Variants in ARMH1 observed in about 807,000 individuals in gnomAD.
ARMH1 encodes armadillo-like helical domain containing protein 1.
A neutral mutation model predicts 50.2 loss-of-function variants in ARMH1; 34 were observed. That is an observed-to-expected ratio of 0.68 (90% CI 0.51 to 0.90). ARMH1 has a LOEUF of 0.90. ARMH1 is among the 40% of genes least tolerant of loss of function. The pLI is 0.00. For synonymous variants in ARMH1, 221 were observed against 224.2 expected (o/e 0.99, Z 0.13); for missense variants, 538 against 553.9 (o/e 0.97, Z 0.29).
chr1:44,704,875 T>C (rs1406341694), intron 6 of ARMH1, among the ~76,000 whole-genome samples: 1 of 142,558 alleles, frequency 7.0e-6, no homozygotes, highest in Non-Finnish European at 1.5e-5. Context: ...CGCTCTGTCA[T>C]CCAGGCTGGA....
chr1:44,702,710 C>CAAAAAAAAAA, intron 5 of ARMH1, among the ~76,000 whole-genome samples: 1 of 89,878 alleles, frequency 1.1e-5, no homozygotes. Context: ...GACTCCATCT[C>CAAAAAAAAAA]AAAAAAAAAA....
At position 44,699,232 on chromosome 1, in the gene ARMH1, C is replaced by T. The variant is rs1339285269; in HGVS notation, c.442+1003C>T. On this transcript the variant is annotated intron_variant, in intron 4 of 11. Coordinates refer to ENST00000535358, the MANE Select transcript of ARMH1 (RefSeq NM_001145636.2). ...CCGGGAGGTGGACATTGCAGTGAGC[C>T]GAGATCGCGCCACTGCACTCTAGCC... 9.2e-5 allele frequency among the ~76,000 whole-genome samples: 13 copies of T among 141,602 alleles called. No homozygotes were observed. The Admixed American group carries it at 9.2e-4, about 10-fold the overall frequency. 92.9% of individuals were successfully genotyped at this position (141,602 alleles called of 152,430 possible). A position where few individuals can be genotyped will look rare whatever the true frequency, so the allele number is the denominator to read the frequency against.
At chr1:44,703,261 C>T (rs1309393177) in intron 5 of ARMH1, among the ~76,000 whole-genome samples, 1 of 152,102 alleles carries the variant, frequency 6.6e-6, no homozygotes, top group Non-Finnish European at 1.5e-5. Flanking sequence ...GTTCCTGCAC[C>T]TCTAGCAGGT....
chr1:44,680,474 G>T (rs544479053), intron 1 of ARMH1, among the ~76,000 whole-genome samples: 1 of 152,370 alleles, frequency 6.6e-6, no homozygotes, highest in Non-Finnish European at 1.5e-5. Flanking sequence ...GCGCCCAGCT[G>T]GGGCCAAGTT....
chr1:44,701,077 A>G lies in ARMH1; in HGVS notation c.597A>G (p.Pro199=), dbSNP rs2148663931. Reference sequence around the variant, plus strand: ...TAGCTTTGCTGCCCTGCGAGTCCCCAAAAGCCCAGCAGCTGTCCCTGCAGA... The same window carrying G: ...TAGCTTTGCTGCCCTGCGAGTCCCCGAAAGCCCAGCAGCTGTCCCTGCAGA... ...GLIALLPCES[P]KAQQLSLQTL... The change falls in exon 5 of 12, where the codon CCA becomes CCG. Residue 199 remains proline (P), a synonymous_variant. Coordinates refer to ENST00000535358, the MANE Select transcript of ARMH1 (RefSeq NM_001145636.2). 1.9e-6 allele frequency: 3 copies of G among 1,551,720 alleles called. No homozygotes were observed. In the South Asian group the frequency reaches 3.6e-5, roughly 18 times the overall value.
Position 44,724,397 on chromosome 1 carries a change from G to A in ARMH1, c.920+5G>A. 2 of 1,549,236 alleles carry A rather than the reference G, an allele frequency of 1.3e-6. No individual in the cohort carries two copies. The highest frequency in any genetic ancestry group is 1.2e-5 in the South Asian group (1 of 83,980). On this transcript the variant is annotated splice_donor_5th_base_variant and intron_variant, in intron 8 of 11. Coordinates refer to ENST00000535358, the MANE Select transcript of ARMH1 (RefSeq NM_001145636.2). This position sits in a 1 kb window ranked among gnomAD's most constrained non-coding sequence, Gnocchi z 6.4. ...CGCGGCCGCCAAGGCCATCGGGTAA[G>A]CGGGCAGGGGTTAGTGGGTAGCTGC...
intron 6 of ARMH1, among the ~76,000 whole-genome samples, chr1:44,713,621 A>T (rs767802888): frequency 3.7e-4 from 57 of 152,244 alleles, no homozygotes; most frequent in South Asian, 1.7e-3. Context: ...AAAAGTCTAT[A>T]AAACAGTCTT....
intron 5 of ARMH1, among the ~76,000 whole-genome samples, chr1:44,701,834 T>G (rs2148666616): frequency 6.6e-6 from 1 of 151,636 alleles, no homozygotes; most frequent in East Asian, 1.9e-4. Context: ...GAGGCTGAGT[T>G]CAGAGGATGG....
intron 6 of ARMH1, among the ~76,000 whole-genome samples, chr1:44,705,553 G>A (rs1407688795): frequency 6.6e-6 from 1 of 151,836 alleles, no homozygotes; most frequent in Non-Finnish European, 1.5e-5. Context: ...TACAAACCCT[G>A]GTACATATTA....
chr1:44,709,489 G>A lies in ARMH1; in HGVS notation c.724+5316G>A, dbSNP rs148604895. 8.0e-3 allele frequency among the ~76,000 whole-genome samples: 1,211 copies of A among 152,216 alleles called. 7 individuals carry two copies. Among genetic ancestry groups the A allele is most frequent in the East Asian group, 0.032 (166 of 5,186 alleles). On this transcript the variant is annotated intron_variant, in intron 6 of 11. Coordinates refer to ENST00000535358, the MANE Select transcript of ARMH1 (RefSeq NM_001145636.2). ...AGATCGAGACCATCCTGGCTAACACGGTGAAACCCCATCTCTACTAAAAAT... is the reference window on the plus strand; with the variant it reads ...AGATCGAGACCATCCTGGCTAACACAGTGAAACCCCATCTCTACTAAAAAT...
chr1:44,724,453 C>G lies in ARMH1; in HGVS notation c.920+61C>G. 2 of 1,529,648 alleles carry G rather than the reference C, an allele frequency of 1.3e-6. No individual in the cohort carries two copies. Among genetic ancestry groups the G allele is most frequent in the South Asian group, 1.2e-5 (1 of 82,172 alleles). 94.8% of individuals were successfully genotyped at this position (1,529,648 alleles called of 1,614,324 possible). A position where few individuals can be genotyped will look rare whatever the true frequency, so the allele number is the denominator to read the frequency against. ...GCCTGGCTTGGCGCTGCCGGCGGGC[C>G]CCGGGAGCGCTCCGTGCGCCGGGTG... On this transcript the variant is annotated intron_variant, in intron 8 of 11. Transcript: ENST00000535358. The surrounding 1 kb of genome is among the most constrained non-coding windows in gnomAD (Gnocchi z 6.4).
intron 3 of ARMH1, 39 bp downstream of exon 3, chr1:44,697,209 G>A (rs41269065): frequency 1.6e-5 from 23 of 1,468,808 alleles, no homozygotes; most frequent in Non-Finnish European, 2.0e-5. Flanking sequence ...GGTCTCAGTG[G>A]CATCTCAGGC....
intron 3 of ARMH1, among the ~76,000 whole-genome samples, 156 bp downstream of exon 3, chr1:44,697,326 T>C (rs935273034): frequency 2.0e-5 from 3 of 152,046 alleles, no homozygotes; most frequent in African/African-American, 7.2e-5. Flanking sequence ...ACCGGGCTCC[T>C]GCTCTAGTTG....
chr1:44,685,348 G>T (rs1325030227), intron 1 of ARMH1, among the ~76,000 whole-genome samples: 2 of 150,064 alleles, frequency 1.3e-5, no homozygotes, highest in Non-Finnish European at 3.0e-5. Flanking sequence ...TTGCTGTGTT[G>T]CCCAGGCTGG....
chr1:44,721,714 T>TA (rs1295958582), intron 6 of ARMH1: 1 of 152,104 alleles, frequency 6.6e-6, no homozygotes, highest in Admixed American at 6.6e-5. Flanking sequence ...GGGTGACATT[T>TA]GTGGAGCTAC....
chr1:44,700,874 T>G, intron 4 of ARMH1, 49 bp from the exon 5 acceptor site: 2 of 1,460,610 alleles, frequency 1.4e-6, no homozygotes, highest in Non-Finnish European at 1.8e-6. Flanking sequence ...GAGTGGGGAT[T>G]TTTTCATAAA....
intron 6 of ARMH1, among the ~76,000 whole-genome samples, chr1:44,704,898 A>G (rs1393142140): frequency 4.8e-5 from 7 of 147,318 alleles, no homozygotes; most frequent in African/African-American, 7.6e-5. Context: ...GCAGTGGCGC[A>G]ATCTCAGCTC....
At position 44,724,005 on chromosome 1, in the gene ARMH1, T is replaced by G; in HGVS notation, c.725-117T>G. 7 of 1,323,274 alleles carry G rather than the reference T, an allele frequency of 5.3e-6. No individual in the cohort carries two copies. The highest frequency in any genetic ancestry group is 7.2e-6 in the Non-Finnish European group (7 of 975,258). 82.0% of individuals were successfully genotyped at this position (1,323,274 alleles called of 1,614,324 possible). On this transcript the variant is annotated intron_variant, in intron 6 of 11. Coordinates refer to ENST00000535358, the MANE Select transcript of ARMH1 (RefSeq NM_001145636.2). This position sits in a 1 kb window ranked among gnomAD's most constrained non-coding sequence, Gnocchi z 6.4. ...CCCAGCTCCCCCACGCCCTGCACAG[T>G]GCTGATCAGTAAAAGAGGAGGACAC...
intron 6 of ARMH1, among the ~76,000 whole-genome samples, chr1:44,710,159 T>G (rs1416230484): frequency 1.3e-5 from 2 of 152,060 alleles, no homozygotes; most frequent in African/African-American, 4.8e-5. Flanking sequence ...CGAACAGACA[T>G]GGACAAGGCT....
Sources: gnomAD v4.1 joint callset for allele counts (sites outside exome capture counted in the v4.1 genomes callset) on GRCh38, gnomAD v4.1.1 for gene constraint, Gnocchi (gnomAD v3.1) non-coding constraint, MANE v1.5 for transcripts, NCBI Gene and HGNC (gene_info 2026-07-23, HGNC 2026-07-21) for gene names.